The following PHKB variants were observed in gnomAD, a reference collection of about 807,000 sequenced individuals.
The protein encoded by PHKB is phosphorylase b kinase regulatory subunit beta.
PHKB carries 122 observed loss-of-function variants against 152.1 expected under a neutral mutation model. That is an observed-to-expected ratio of 0.80 (90% confidence interval 0.69 to 0.93). The LOEUF is 0.93. Ranked by LOEUF, PHKB falls within the 40% of genes least tolerant of loss-of-function variation. PHKB has a pLI of 0.00. For missense variants in PHKB, 1,304 were observed against 1,328.4 expected, an observed-to-expected ratio of 0.98 and a Z score of 0.29; for synonymous variants, 436 against 464.9, an observed-to-expected ratio of 0.94 and a Z score of 0.80.
intron 1 of PHKB, among the ~76,000 whole-genome samples, chr16:47,495,188 T>A (rs1199242925): frequency 6.6e-6 from 1 of 150,908 alleles, no homozygotes; most frequent in East Asian, 1.9e-4. Flanking sequence ...CTAACAGAAC[T>A]CCTTTTTTTT....
At chr16:47,661,942 A>G in intron 23 of PHKB, 142 bp downstream of exon 23, 1 of 697,854 alleles carries the variant, frequency 1.4e-6, no homozygotes. Context: ...TGAATGGAAA[A>G]TGTTCATTCA....
chr16:47,581,086 A>T (rs1247358235), intron 8 of PHKB, among the ~76,000 whole-genome samples: 1 of 152,212 alleles, frequency 6.6e-6, no homozygotes, highest in African/African-American at 2.4e-5. Flanking sequence ...TCTAACTGAG[A>T]ATAAAATTAA....
intron 6 of PHKB, among the ~76,000 whole-genome samples, chr16:47,538,246 G>A (rs1018730653): frequency 2.6e-5 from 4 of 152,234 alleles, no homozygotes; most frequent in Middle Eastern, 3.4e-3. Context: ...TTTCTGTTGT[G>A]TTATAAAATC....
At chr16:47,586,070 T>C (rs559590108) in intron 8 of PHKB, among the ~76,000 whole-genome samples, 1 of 152,302 alleles carries the variant, frequency 6.6e-6, no homozygotes, top group African/African-American at 2.4e-5. Context: ...TTCACCAAAA[T>C]TCAGAGCCTA....
intron 6 of PHKB, among the ~76,000 whole-genome samples, chr16:47,547,064 G>A (rs2151672241): frequency 6.6e-6 from 1 of 152,276 alleles, no homozygotes. Context: ...CACTTCCTGG[G>A]TGAAGCGATG....
intron 13 of PHKB, among the ~76,000 whole-genome samples, chr16:47,608,587 C>T (rs1318056100): frequency 2.0e-5 from 3 of 152,160 alleles, no homozygotes; most frequent in Non-Finnish European, 4.4e-5. Flanking sequence ...TGGTAAATGC[C>T]TGTAATCCCA....
At position 47,699,685 on chromosome 16, in the gene PHKB, C is replaced by A. The variant is rs753919132; in HGVS notation, c.*319C>A. ...GATCAAATAGTTCATCAAAATGAAT[C>A]TTTGCTCTTTGGACTGAATTCTTAC... On this transcript the variant is annotated 3_prime_UTR_variant, in exon 31 of 31. Coordinates refer to ENST00000323584, the MANE Select transcript of PHKB (RefSeq NM_000293.3). The A allele has an allele frequency of 3.2e-5, 12 of 370,424 alleles. No individual in the cohort carries two copies. The highest frequency in any genetic ancestry group is 4.1e-5 in the African/African-American group (2 of 48,294). 22.9% of individuals were successfully genotyped at this position (370,424 alleles called of 1,614,324 possible).
chr16:47,663,578 T>C lies in PHKB; in HGVS notation c.2279-99T>C. The C allele has an allele frequency of 3.3e-6, 3 of 916,860 alleles. No homozygotes were observed. In the East Asian group the frequency reaches 7.6e-5, roughly 23 times the overall value. The allele number at this position is 916,860 out of a possible 1,614,324, so 56.8% of individuals were successfully genotyped here. On this transcript the variant is annotated intron_variant, in intron 23 of 30. Coordinates refer to ENST00000323584, the MANE Select transcript of PHKB (RefSeq NM_000293.3). The stretch of plus-strand genomic sequence containing the variant: ...CATTAATGGATCGATGTATCAACTC[T>C]AGTGAAGCACAGTGAAAATGAGTAC...
Position 47,577,149 on chromosome 16 carries a change from T to A in PHKB, c.711-3146T>A, listed in dbSNP as rs184586517. The stretch of plus-strand genomic sequence containing the variant: ...TACTTAAAGATTTTTTTAAAATCTC[T>A]TTTTGATTTATCAATAGTGGTTTTG... On this transcript the variant is annotated intron_variant, in intron 7 of 30. Coordinates refer to ENST00000323584, the MANE Select transcript of PHKB (RefSeq NM_000293.3). Among the ~76,000 whole-genome samples, 13 of 152,286 alleles carry A rather than the reference T, an allele frequency of 8.5e-5. No homozygotes were observed. In the East Asian group the frequency reaches 2.5e-3, roughly 29 times the overall value.
chr16:47,523,502 A>G (rs920510574), intron 6 of PHKB, among the ~76,000 whole-genome samples: 3 of 152,220 alleles, frequency 2.0e-5, no homozygotes, highest in Non-Finnish European at 4.4e-5. Flanking sequence ...GTTAGGCATA[A>G]CTTGAAAGCT....
chr16:47,538,569 G>A (rs1970995620), intron 6 of PHKB, among the ~76,000 whole-genome samples: 1 of 152,224 alleles, frequency 6.6e-6, no homozygotes, highest in Non-Finnish European at 1.5e-5. Context: ...GCTTGCCCCT[G>A]AGGGCAAATG....
At chr16:47,516,687 C>G (rs1288073758) in intron 6 of PHKB, among the ~76,000 whole-genome samples, 1 of 151,992 alleles carries the variant, frequency 6.6e-6, no homozygotes, top group African/African-American at 2.4e-5. Flanking sequence ...GCCCTGCCCT[C>G]TAGTAGTTTA....
intron 14 of PHKB, among the ~76,000 whole-genome samples, chr16:47,625,527 C>G (rs1018064815): frequency 6.6e-6 from 1 of 152,038 alleles, no homozygotes; most frequent in African/African-American, 2.4e-5. Flanking sequence ...CAGGGTCTCT[C>G]CTCCTCAGGG....
At chr16:47,485,927 C>A (rs184398334) in intron 1 of PHKB, among the ~76,000 whole-genome samples, 18 of 151,368 alleles carry the variant, frequency 1.2e-4, no homozygotes, top group Non-Finnish European at 2.1e-4. Flanking sequence ...GGTCCCTCAC[C>A]GCTTTCTGTT....
chr16:47,520,907 T>C (rs947809735), intron 6 of PHKB, among the ~76,000 whole-genome samples: 11 of 152,184 alleles, frequency 7.2e-5, no homozygotes, highest in Non-Finnish European at 1.0e-4. Flanking sequence ...TTGCTTGTGC[T>C]TTAGGTGTCA....
At chr16:47,593,334 G>T (rs1272745144) in intron 10 of PHKB, among the ~76,000 whole-genome samples, 166 bp from the exon 11 acceptor site, 1 of 152,050 alleles carries the variant, frequency 6.6e-6, no homozygotes, top group Non-Finnish European at 1.5e-5. Context: ...CACTTGGGAG[G>T]CTGAGGCAGG....
At chr16:47,499,934 A>T in intron 3 of PHKB, 40 bp downstream of exon 3, 1 of 1,612,416 alleles carries the variant, frequency 6.2e-7, no homozygotes, top group Non-Finnish European at 8.5e-7. Flanking sequence ...TTGAGAGTGG[A>T]TAATAGGGTT....
intron 7 of PHKB, among the ~76,000 whole-genome samples, chr16:47,572,788 G>A (rs1037498668): frequency 6.6e-6 from 1 of 152,184 alleles, no homozygotes; most frequent in East Asian, 1.9e-4. Flanking sequence ...CAGGCCCAAG[G>A]CCTCCTGAGC....
intron 7 of PHKB, among the ~76,000 whole-genome samples, chr16:47,549,131 AT>A (rs1971226900): frequency 6.6e-6 from 1 of 152,196 alleles, no homozygotes; most frequent in Non-Finnish European, 1.5e-5. Flanking sequence ...CATTTCAGAC[AT>A]TAAACAGATT....
Sources: allele counts gnomAD v4.1 joint callset (sites outside exome capture counted in the v4.1 genomes callset), GRCh38; gene constraint gnomAD v4.1.1; transcripts MANE v1.5; gene names NCBI Gene and HGNC (gene_info 2026-07-23, HGNC 2026-07-21).